The following KCNIP1 variants were observed in gnomAD, a reference collection of about 807,000 sequenced individuals.
KCNIP1 encodes the protein potassium voltage-gated channel interacting protein 1.
KCNIP1 carries 18 observed loss-of-function variants against 33.0 expected under a neutral mutation model. The ratio of observed to expected loss-of-function variants is 0.55; its 90% confidence interval spans 0.38 to 0.81. The LOEUF is 0.81. Ranked by LOEUF, KCNIP1 falls within the 30% of genes least tolerant of loss-of-function variation. KCNIP1 has a pLI of 0.00. For missense variants in KCNIP1, 238 were observed against 271.6 expected (o/e 0.88, Z 0.87); for synonymous variants, 93 against 98.3 (o/e 0.95, Z 0.32).
In KCNIP1 at chr5:170,504,793, G is replaced by A. The variant is rs545375144; in HGVS notation, c.61+160G>A. On this transcript the variant is annotated intron_variant, in intron 1 of 7. Coordinates refer to ENST00000328939, the MANE Select transcript of KCNIP1 (RefSeq NM_014592.4). This position sits in a 1 kb window ranked among gnomAD's most constrained non-coding sequence, Gnocchi z 6.0. ...GGAGAGAGAAATCGGCGGGAGGGCTGGTGTGAACACCCAGAGGAGGGAGCC... is the reference window on the plus strand; with the variant it reads ...GGAGAGAGAAATCGGCGGGAGGGCTAGTGTGAACACCCAGAGGAGGGAGCC... Among the ~76,000 whole-genome samples the A allele has an allele frequency of 2.6e-5, 4 of 152,262 alleles. No homozygotes were observed. Among genetic ancestry groups the A allele is most frequent in the African/African-American group, 9.6e-5 (4 of 41,564 alleles).
At chr5:170,487,813 C>A (rs370395786) in intron 1 of KCNIP1, among the ~76,000 whole-genome samples, 3 of 152,044 alleles carry the variant, frequency 2.0e-5, no homozygotes, top group Non-Finnish European at 2.9e-5. Flanking sequence ...CCACTGCGCA[C>A]GGCCCAGTCA....
chr5:170,493,199 TC>T (rs754662130), intron 1 of KCNIP1, among the ~76,000 whole-genome samples: 58 of 151,926 alleles, frequency 3.8e-4, no homozygotes, highest in Admixed American at 6.6e-4. Context: ...AAATGCGAGC[TC>T]CCCCATCCCA....
At chr5:170,681,345 C>A in intron 1 of KCNIP1, 1 of 381,270 alleles carries the variant, frequency 2.6e-6, no homozygotes, top group Non-Finnish European at 4.6e-6. Flanking sequence ...CAGTCGCGCC[C>A]CAGTGCTGCG....
At chr5:170,623,890 G>A (rs1759711384) in intron 1 of KCNIP1, among the ~76,000 whole-genome samples, 2 of 152,190 alleles carry the variant, frequency 1.3e-5, no homozygotes. Context: ...CTCAGCAGGA[G>A]CTCAGCCACA....
chr5:170,354,094 G>A, intron 1 of KCNIP1: 1 of 876,620 alleles, frequency 1.1e-6, no homozygotes, highest in Non-Finnish European at 1.8e-6. Context: ...ATTGGTGGCT[G>A]GGATTCGAGG....
At chr5:170,654,500 C>T (rs1004018701) in intron 1 of KCNIP1, among the ~76,000 whole-genome samples, 1 of 152,126 alleles carries the variant, frequency 6.6e-6, no homozygotes, top group Non-Finnish European at 1.5e-5. Context: ...TGGGTCATTA[C>T]AGTAGGAAAT....
intron 1 of KCNIP1, among the ~76,000 whole-genome samples, chr5:170,716,017 G>C (rs931853541): frequency 6.6e-6 from 1 of 152,186 alleles, no homozygotes; most frequent in African/African-American, 2.4e-5. Context: ...CAGGAGGGTG[G>C]TGAAAACCGC....
chr5:170,673,306 A>G (rs529551333), intron 1 of KCNIP1, among the ~76,000 whole-genome samples: 1 of 152,366 alleles, frequency 6.6e-6, no homozygotes, highest in East Asian at 1.9e-4. Flanking sequence ...TCTACCACTT[A>G]CTAGCTGTGA....
chr5:170,583,648 G>A (rs1036008147), intron 1 of KCNIP1, among the ~76,000 whole-genome samples: 4 of 152,130 alleles, frequency 2.6e-5, no homozygotes, highest in Non-Finnish European at 5.9e-5. Context: ...TCAGAGTTTA[G>A]GCTCTTGAGG....
intron 1 of KCNIP1, among the ~76,000 whole-genome samples, chr5:170,596,051 CA>C (rs1297330306): frequency 6.6e-6 from 1 of 152,170 alleles, no homozygotes; most frequent in African/African-American, 2.4e-5. Context: ...CTCTAAGATG[CA>C]GGGACTCAAA....
intron 1 of KCNIP1, chr5:170,385,265 GA>G: frequency 6.2e-7 from 1 of 1,602,810 alleles, no homozygotes; most frequent in Non-Finnish European, 8.5e-7. Flanking sequence ...ACAGATGCCA[GA>G]CCCTTAGGAG....
chr5:170,547,261 A>G (rs1180695910), intron 1 of KCNIP1, among the ~76,000 whole-genome samples: 1 of 152,024 alleles, frequency 6.6e-6, no homozygotes, highest in East Asian at 1.9e-4. Flanking sequence ...CATTATTTCC[A>G]TCTTTGTCTC....
chr5:170,643,157 G>A (rs930975730), intron 1 of KCNIP1, among the ~76,000 whole-genome samples: 1 of 152,218 alleles, frequency 6.6e-6, no homozygotes, highest in African/African-American at 2.4e-5. Flanking sequence ...ATGATGATGA[G>A]TCAGAGGCTG....
At chr5:170,383,816 C>T (rs1359092719) in intron 1 of KCNIP1, 1 of 1,613,954 alleles carries the variant, frequency 6.2e-7, no homozygotes, top group Non-Finnish European at 8.5e-7. Context: ...ATGTTGGTCT[C>T]AATCAGGTGG....
chr5:170,596,095 C>T (rs887948659), intron 1 of KCNIP1, among the ~76,000 whole-genome samples: 6 of 152,122 alleles, frequency 3.9e-5, no homozygotes, highest in African/African-American at 9.7e-5. Context: ...GCCTTTATAA[C>T]GGGGCTTCGA....
chr5:170,570,049 C>T (rs1757347216), intron 1 of KCNIP1, among the ~76,000 whole-genome samples: 2 of 152,190 alleles, frequency 1.3e-5, no homozygotes, highest in African/African-American at 4.8e-5. Flanking sequence ...CAACACTCTC[C>T]TGTTTCTGCT....
At chr5:170,494,838 G>A (rs1467843174) in intron 1 of KCNIP1, among the ~76,000 whole-genome samples, 1 of 152,222 alleles carries the variant, frequency 6.6e-6, no homozygotes, top group Non-Finnish European at 1.5e-5. Flanking sequence ...TTTGAAGGCA[G>A]AGAGATCGGG....
intron 5 of KCNIP1, among the ~76,000 whole-genome samples, chr5:170,725,611 A>G (rs1433805365): frequency 1.3e-5 from 2 of 152,198 alleles, no homozygotes; most frequent in South Asian, 2.1e-4. Context: ...TGGTAGCACA[A>G]CAAGGTGACT....
intron 1 of KCNIP1, among the ~76,000 whole-genome samples, chr5:170,713,685 T>G (rs1400232454): frequency 6.6e-6 from 1 of 152,178 alleles, no homozygotes; most frequent in Non-Finnish European, 1.5e-5. Context: ...AGACCTATCT[T>G]TGGGCCACAC....
Sources: gnomAD v4.1 joint callset for allele counts (sites outside exome capture counted in the v4.1 genomes callset) on GRCh38, gnomAD v4.1.1 for gene constraint, Gnocchi (gnomAD v3.1) non-coding constraint, MANE v1.5 for transcripts, NCBI Gene and HGNC (gene_info 2026-07-23, HGNC 2026-07-21) for gene names.